ARHGEF10L: variants seen among roughly 807,000 people sequenced by gnomAD.
ARHGEF10L encodes rho guanine nucleotide exchange factor 10-like protein.
ARHGEF10L carries 69 observed loss-of-function variants against 141.2 expected under a neutral mutation model. The observed-to-expected ratio is 0.49, with a 90% CI of 0.40 to 0.60. The LOEUF is 0.60. ARHGEF10L is among the 20% of genes least tolerant of loss of function. The pLI is 0.00. For synonymous variants in ARHGEF10L, 711 were observed against 718.5 expected (o/e 0.99, Z 0.17); for missense variants, 1,482 against 1,734.3 (o/e 0.85, Z 2.58).
intron 3 of ARHGEF10L, 88 bp from the exon 4 acceptor site, chr1:17,588,358 G>A (rs1557756156): frequency 1.3e-6 from 2 of 1,484,696 alleles, no homozygotes; most frequent in Non-Finnish European, 1.9e-6. Context: ...CGGCGCCCCT[G>A]GGGAGGCTGG....
chr1:17,660,615 GC>G (rs1371865114), intron 25 of ARHGEF10L, among the ~76,000 whole-genome samples: 6 of 152,188 alleles, frequency 3.9e-5, no homozygotes, highest in Admixed American at 3.9e-4. Flanking sequence ...TCTGGCTCCA[GC>G]CCAATCTCGA....
intron 25 of ARHGEF10L, among the ~76,000 whole-genome samples, chr1:17,657,412 TC>T (rs2102054757): frequency 1.3e-5 from 2 of 152,284 alleles, no homozygotes; most frequent in African/African-American, 4.8e-5. Context: ...GTGGTCCCCA[TC>T]CTCTGGGCTT....
rs760488914 is a variant in ARHGEF10L, at chr1:17,697,274, A to G, written c.3734A>G (p.Gln1245Arg). Reference protein sequence around the residue: ...ICSVAIISGGQGYRNFGSALG... With the variant: ...ICSVAIISGGRGYRNFGSALG... ...TCTGTGGCCATCATCTCCGGCGGGC[A>G]GGGCTACCGCAACTTTGGCAGCGCT... The change falls in exon 29 of 29, where the codon CAG becomes CGG. Residue 1245 changes from glutamine to arginine, a missense_variant. By Grantham distance (43) the Gln-to-Arg change is conservative. Around this residue, in one of 3 missense-constraint regions of ARHGEF10L, gnomAD observed 858 missense variants for 966.3 expected, o/e 0.89. Transcript: ENST00000361221. The surrounding 1 kb of genome is among the most constrained non-coding windows in gnomAD (Gnocchi z 4.8). 2 of 1,612,742 alleles carry G rather than the reference A, an allele frequency of 1.2e-6. No homozygotes were observed. Among genetic ancestry groups the G allele is most frequent in the Non-Finnish European group, 1.7e-6 (2 of 1,179,816 alleles).
chr1:17,674,245 C>T (rs1470253693), intron 26 of ARHGEF10L, among the ~76,000 whole-genome samples: 1 of 152,176 alleles, frequency 6.6e-6, no homozygotes, highest in East Asian at 1.9e-4. Flanking sequence ...CTCCAGTTAC[C>T]CCTGGGACCC....
At position 17,627,974 on chromosome 1, in the gene ARHGEF10L, C is replaced by T. The variant is rs1226067634; in HGVS notation, c.1584+471C>T. The stretch of plus-strand genomic sequence containing the variant: ...AGTGGCTTCGTGATTGTCCTTAACA[C>T]AAGAAGAAAGATGAAAAGTCCATGC... On this transcript the variant is annotated intron_variant, in intron 15 of 28. Transcript: ENST00000361221. This position sits in a 1 kb window ranked among gnomAD's most constrained non-coding sequence, Gnocchi z 4.0. Among the ~76,000 whole-genome samples the T allele has an allele frequency of 6.6e-6, 1 of 151,438 alleles. No homozygotes were observed. Among genetic ancestry groups the T allele is most frequent in the South Asian group, 2.1e-4 (1 of 4,802 alleles).
At chr1:17,528,112 G>C in the ARHGEF10L span, among the ~76,000 whole-genome samples, 104 of 151,934 alleles carry the variant, frequency 6.8e-4, no homozygotes, top group Non-Finnish European at 1.3e-3. Flanking sequence ...CACCTGCCTT[G>C]GTCTCCCAAA....
the ARHGEF10L span, among the ~76,000 whole-genome samples, chr1:17,520,948 T>C: frequency 6.6e-6 from 1 of 152,222 alleles, no homozygotes; most frequent in South Asian, 2.1e-4. Context: ...CGCCCAGGGC[T>C]CCTTCCTTGG....
At chr1:17,587,838 A>T (rs958171397) in intron 3 of ARHGEF10L, among the ~76,000 whole-genome samples, 193 bp downstream of exon 3, 5 of 152,230 alleles carry the variant, frequency 3.3e-5, no homozygotes, top group African/African-American at 9.7e-5. Context: ...TTCCTGCAAC[A>T]TCTGGCGCAC....
intron 4 of ARHGEF10L, among the ~76,000 whole-genome samples, chr1:17,596,092 T>A (rs1340890928): frequency 6.6e-6 from 1 of 152,228 alleles, no homozygotes; most frequent in Admixed American, 6.5e-5. Context: ...CCTGGCTGCA[T>A]GCTGCAGCCT....
In ARHGEF10L at chr1:17,623,294, AT is replaced by A; in HGVS notation, c.1200+121del. 1 of 1,257,482 alleles carries A rather than the reference AT, an allele frequency of 8.0e-7. No individual in the cohort carries two copies. The highest frequency in any genetic ancestry group is 1.1e-6 in the Non-Finnish European group (1 of 909,964). The allele number at this position is 1,257,482 out of a possible 1,614,324, so 77.9% of individuals were successfully genotyped here. ...TGCTTGCCTTGTTCAAGTCAGTGGG[AT>A]TAGAGGGTGGCAGGGTCTTCTGGGC... is the stretch of plus-strand genomic sequence containing the variant. On this transcript the variant is annotated intron_variant, in intron 12 of 28. Transcript: ENST00000361221. The surrounding 1 kb of genome is among the most constrained non-coding windows in gnomAD (Gnocchi z 4.7).
Position 17,619,193 on chromosome 1 carries a change from G to A in ARHGEF10L, c.836-146G>A, listed in dbSNP as rs543570157. On this transcript the variant is annotated intron_variant, in intron 9 of 28. Transcript: ENST00000361221. This position sits in a 1 kb window ranked among gnomAD's most constrained non-coding sequence, Gnocchi z 5.0. ...AACTCCTGAGAAGGAGCTACCGGGC[G>A]GCTCTAACCCCACGGGGCCCCAGGA... is the stretch of plus-strand genomic sequence containing the variant. 167 of 653,794 alleles carry A rather than the reference G, an allele frequency of 2.6e-4. No homozygotes were observed. The African/African-American group carries it at 2.8e-3, about 11-fold the overall frequency. The allele number at this position is 653,794 out of a possible 1,614,324, so 40.5% of individuals were successfully genotyped here. A position where few individuals can be genotyped will look rare whatever the true frequency, so the allele number is the denominator to read the frequency against.
At chr1:17,589,082 G>T (rs2079312489) in intron 4 of ARHGEF10L, among the ~76,000 whole-genome samples, 1 of 152,144 alleles carries the variant, frequency 6.6e-6, no homozygotes, top group South Asian at 2.1e-4. Flanking sequence ...GAGCCTGGAT[G>T]TTGGGGTGAG....
At chr1:17,630,205 C>T (rs1021213774) in intron 15 of ARHGEF10L, among the ~76,000 whole-genome samples, 3 of 152,348 alleles carry the variant, frequency 2.0e-5, no homozygotes, top group East Asian at 1.9e-4. Flanking sequence ...GAAGCAGAAA[C>T]GAAACTGGGT....
At chr1:17,543,687 G>GCC (rs959542659) in intron 1 of ARHGEF10L, among the ~76,000 whole-genome samples, 1 of 151,620 alleles carries the variant, frequency 6.6e-6, no homozygotes, top group African/African-American at 2.4e-5. Flanking sequence ...TCACTCTTTT[G>GCC]CCCAGGCTGG....
At chr1:17,636,111 C>T (rs1490936110) in intron 18 of ARHGEF10L, among the ~76,000 whole-genome samples, 2 of 152,176 alleles carry the variant, frequency 1.3e-5, no homozygotes, top group Non-Finnish European at 2.9e-5. Context: ...GGCTCAACTG[C>T]ACTCCCTCCC....
chr1:17,538,836 C>T (rs567143506), upstream of ARHGEF10L, among the ~76,000 whole-genome samples: 2 of 152,212 alleles, frequency 1.3e-5, no homozygotes, highest in Admixed American at 6.5e-5. Context: ...GCTGATAAGC[C>T]CGCGTGTGAA....
intron 8 of ARHGEF10L, among the ~76,000 whole-genome samples, chr1:17,614,581 T>G (rs1410313353): frequency 1.3e-5 from 2 of 152,092 alleles, no homozygotes; most frequent in Non-Finnish European, 2.9e-5. Flanking sequence ...AGGTTTCAGA[T>G]CTCTGAGGGT....
In ARHGEF10L at chr1:17,618,539, G is replaced by C. The variant is rs780045273; in HGVS notation, c.836-800G>C. The C allele has an allele frequency of 2.1e-5, 30 of 1,396,876 alleles. No individual in the cohort carries two copies. The African/African-American group carries it at 4.1e-4, about 19-fold the overall frequency. 86.5% of individuals were successfully genotyped at this position (1,396,876 alleles called of 1,614,324 possible). On this transcript the variant is annotated intron_variant, in intron 9 of 28. Transcript: ENST00000361221. ...CCTGCTCAGGTAAGGGCCTATTGGG[G>C]TGTCTCTACCCCCTCCCACCCTTGG...
chr1:17,681,018 C>T lies in ARHGEF10L; in HGVS notation c.3010-6555C>T, dbSNP rs759134757. ...GAACTGCTGACCTCAAGTGATCCACCCATCTTAGCCTCCCAAAGTGCTGGG... is the reference window on the plus strand; with the variant it reads ...GAACTGCTGACCTCAAGTGATCCACTCATCTTAGCCTCCCAAAGTGCTGGG... On this transcript the variant is annotated intron_variant, in intron 26 of 28. Transcript: ENST00000361221. Among the ~76,000 whole-genome samples the T allele has an allele frequency of 2.6e-5, 4 of 152,114 alleles. No homozygotes were observed. The South Asian group carries it at 6.2e-4, about 24-fold the overall frequency.
Sources: gnomAD v4.1 joint callset for allele counts (sites outside exome capture counted in the v4.1 genomes callset) on GRCh38, gnomAD v4.1.1 for gene constraint, gnomAD v4.1.1 regional missense constraint, Gnocchi (gnomAD v3.1) non-coding constraint, MANE v1.5 for transcripts, NCBI Gene and HGNC (gene_info 2026-07-23, HGNC 2026-07-21) for gene names.